Variants in GRIP1 observed in about 807,000 individuals in gnomAD.
GRIP1 encodes glutamate receptor interacting protein 1.
A neutral mutation model predicts 129.9 loss-of-function variants in GRIP1; 45 were observed. The ratio of observed to expected loss-of-function variants is 0.35; its 90% CI spans 0.27 to 0.44. The LOEUF is 0.44. Among genes scored for constraint, GRIP1 ranks in the 20% least tolerant of loss-of-function variants. The probability of loss-of-function intolerance (pLI) is 1.00; values close to 1 mark genes in which losing one functional copy is unlikely to be tolerated. For synonymous variants in GRIP1, 530 were observed against 520.8 expected, an observed-to-expected ratio of 1.02 and a Z score of -0.24; for missense variants, 1,196 against 1,396.8, an observed-to-expected ratio of 0.86 and a Z score of 2.29.
At chr12:66,752,626 T>G (rs533136269) in intron 1 of GRIP1, among the ~76,000 whole-genome samples, 2 of 152,268 alleles carry the variant, frequency 1.3e-5, no homozygotes, top group East Asian at 3.9e-4. Flanking sequence ...CTGGTCAGTA[T>G]GAACTGAATT....
intron 1 of GRIP1, among the ~76,000 whole-genome samples, chr12:66,921,764 G>C (rs1263718770): frequency 6.6e-6 from 1 of 152,176 alleles, no homozygotes; most frequent in African/African-American, 2.4e-5. Context: ...TAGGAAGCAT[G>C]TAAATGATTG....
chr12:66,936,088 C>T (rs2041479286), intron 1 of GRIP1, among the ~76,000 whole-genome samples: 1 of 152,112 alleles, frequency 6.6e-6, no homozygotes, highest in African/African-American at 2.4e-5. Context: ...GGTAGGTGAA[C>T]ACATTGATGT....
chr12:66,996,867 T>C (rs1354991286), intron 1 of GRIP1, among the ~76,000 whole-genome samples: 1 of 152,058 alleles, frequency 6.6e-6, no homozygotes, highest in South Asian at 2.1e-4. Context: ...GAGGAAAACC[T>C]TCTACACTTC....
At chr12:66,807,477 T>C (rs2039016617), upstream of GRIP1, among the ~76,000 whole-genome samples, 1 of 151,986 alleles carries the variant, frequency 6.6e-6, no homozygotes, top group African/African-American at 2.4e-5. Context: ...ATCGAGACCA[T>C]CCTGGCTAAC....
intron 1 of GRIP1, among the ~76,000 whole-genome samples, chr12:66,830,359 G>T (rs565634445): frequency 6.6e-6 from 1 of 152,274 alleles, no homozygotes; most frequent in Admixed American, 6.5e-5. Context: ...AAGTTTACAT[G>T]AGGGAGGTAA....
chr12:66,571,442 C>T (rs2062954871), intron 2 of GRIP1, among the ~76,000 whole-genome samples: 1 of 152,040 alleles, frequency 6.6e-6, no homozygotes, highest in South Asian at 2.1e-4. Context: ...TATCTGAAAT[C>T]TGGATACATA....
intron 1 of GRIP1, among the ~76,000 whole-genome samples, chr12:66,796,669 T>C (rs1227877012): frequency 6.6e-6 from 1 of 152,302 alleles, no homozygotes; most frequent in East Asian, 1.9e-4. Context: ...CTCTGTCTTC[T>C]GTACCACGGT....
At chr12:66,600,431 ATGTT>A (rs2064229098) in intron 1 of GRIP1, among the ~76,000 whole-genome samples, 1 of 152,236 alleles carries the variant, frequency 6.6e-6, no homozygotes, top group African/African-American at 2.4e-5. Context: ...CATTCACTAA[ATGTT>A]TGCTGATAAA....
chr12:66,772,365 T>C (rs1342676160), intron 1 of GRIP1, among the ~76,000 whole-genome samples: 1 of 152,214 alleles, frequency 6.6e-6, no homozygotes, highest in African/African-American at 2.4e-5. Context: ...TACTAAAATG[T>C]AATCCCAAAT....
chr12:66,573,927 G>C (rs553168118), intron 2 of GRIP1, among the ~76,000 whole-genome samples: 2 of 152,270 alleles, frequency 1.3e-5, no homozygotes, highest in Non-Finnish European at 2.9e-5. Context: ...TCTGGCCTAT[G>C]AGTTCTAGTT....
At chr12:66,680,807 G>C (rs1200612685), upstream of GRIP1, among the ~76,000 whole-genome samples, 2 of 152,128 alleles carry the variant, frequency 1.3e-5, no homozygotes, top group South Asian at 4.2e-4. Context: ...GTAGAATCTT[G>C]CCTGTGGAAC....
At chr12:66,754,105 G>A (rs944846013) in intron 1 of GRIP1, among the ~76,000 whole-genome samples, 1 of 152,136 alleles carries the variant, frequency 6.6e-6, no homozygotes, top group African/African-American at 2.4e-5. Context: ...GCCCCTTAGG[G>A]GTTAAGTGAC....
At chr12:67,014,450 T>C (rs536259283) in intron 1 of GRIP1, among the ~76,000 whole-genome samples, 11 of 152,298 alleles carry the variant, frequency 7.2e-5, no homozygotes, top group Middle Eastern at 6.8e-3. Flanking sequence ...GTAGAAAATG[T>C]ATTTTAAAAG....
intron 19 of GRIP1, among the ~76,000 whole-genome samples, chr12:66,383,941 C>T (rs1051650932): frequency 6.6e-6 from 1 of 152,050 alleles, no homozygotes; most frequent in African/African-American, 2.4e-5. Context: ...TGCTGGAGCC[C>T]CAGTAACTGT....
At chr12:66,768,603 A>G (rs1250621012) in intron 1 of GRIP1, among the ~76,000 whole-genome samples, 11 of 152,306 alleles carry the variant, frequency 7.2e-5, no homozygotes, top group South Asian at 2.1e-4. Context: ...GATTTTCCCA[A>G]TGGCGTGGAG....
intron 1 of GRIP1, among the ~76,000 whole-genome samples, chr12:66,696,350 T>C (rs2035155425): frequency 6.6e-6 from 1 of 151,956 alleles, no homozygotes; most frequent in Non-Finnish European, 1.5e-5. Flanking sequence ...TAAAGAAAAA[T>C]ACCAATCTAA....
At chr12:66,377,146 T>C (rs2137349290) in intron 21 of GRIP1, 28 bp downstream of exon 21, 3 of 1,566,438 alleles carry the variant, frequency 1.9e-6, no homozygotes, top group African/African-American at 2.7e-5. Flanking sequence ...GTAGAAACAA[T>C]AAAAGTAAGT....
intron 19 of GRIP1, among the ~76,000 whole-genome samples, chr12:66,391,102 C>G (rs1419985675): frequency 2.0e-5 from 3 of 152,028 alleles, no homozygotes; most frequent in Middle Eastern, 3.2e-3. Context: ...CATAGGCAGG[C>G]TGAGAGAAGG....
At chr12:66,400,696 A>G (rs779300402) in intron 16 of GRIP1, among the ~76,000 whole-genome samples, 32 of 152,186 alleles carry the variant, frequency 2.1e-4, no homozygotes, top group Non-Finnish European at 4.3e-4. Context: ...TATTAGAGTA[A>G]TATTCCCCAA....
Sources: allele counts gnomAD v4.1 joint callset (sites outside exome capture counted in the v4.1 genomes callset), GRCh38; gene constraint gnomAD v4.1.1; transcripts MANE v1.5; gene names NCBI Gene and HGNC (gene_info 2026-07-23, HGNC 2026-07-21).